Variants in SYT16 observed in about 807,000 individuals in gnomAD.
SYT16 encodes the protein synaptotagmin-16.
A neutral mutation model predicts 61.4 loss-of-function variants in SYT16; 42 were observed. The observed-to-expected ratio is 0.68, with a 90% CI of 0.53 to 0.89. SYT16 has a LOEUF of 0.89. Among genes scored for constraint, SYT16 ranks in the 40% least tolerant of loss-of-function variants. The probability of loss-of-function intolerance (pLI) is 0.00; values close to 1 mark genes in which losing one functional copy is unlikely to be tolerated. For synonymous variants in SYT16, 314 were observed against 302.3 expected (o/e 1.04, Z -0.40); for missense variants, 804 against 807.3 (o/e 1.00, Z 0.05).
chr14:61,906,030 C>T (rs2048697593), intron 1 of SYT16, among the ~76,000 whole-genome samples: 1 of 152,188 alleles, frequency 6.6e-6, no homozygotes, highest in African/African-American at 2.4e-5. Flanking sequence ...GCTGGGATTA[C>T]AGGTGTGAGC....
chr14:61,823,370 A>G (rs1216349768), intron 1 of SYT16, among the ~76,000 whole-genome samples: 1 of 151,890 alleles, frequency 6.6e-6, no homozygotes, highest in African/African-American at 2.4e-5. Context: ...TAAAGTTTTA[A>G]TATGCTTATG....
At chr14:61,907,654 C>T (rs2048774796) in intron 1 of SYT16, among the ~76,000 whole-genome samples, 1 of 152,196 alleles carries the variant, frequency 6.6e-6, no homozygotes, top group African/African-American at 2.4e-5. Flanking sequence ...GTGTGGGATC[C>T]AGAAGAGAGA....
chr14:62,046,724 T>A (rs2055004672), intron 3 of SYT16, among the ~76,000 whole-genome samples: 2 of 152,228 alleles, frequency 1.3e-5, no homozygotes, highest in African/African-American at 4.8e-5. Context: ...CTTTCCCCAT[T>A]TCTTGTTTTT....
At chr14:62,093,177 A>G (rs1006854923) in intron 7 of SYT16, among the ~76,000 whole-genome samples, 2 of 152,138 alleles carry the variant, frequency 1.3e-5, no homozygotes, top group African/African-American at 4.8e-5. Flanking sequence ...AAAATAGAAG[A>G]GAGTAGAGAT....
intron 2 of SYT16, among the ~76,000 whole-genome samples, chr14:61,983,237 AAAAG>A (rs2052161330): frequency 6.6e-6 from 1 of 152,178 alleles, no homozygotes. Flanking sequence ...AGATTAAAGT[AAAAG>A]AAAGAGCATG....
At chr14:61,826,818 T>C (rs1221487585) in intron 1 of SYT16, among the ~76,000 whole-genome samples, 1 of 152,024 alleles carries the variant, frequency 6.6e-6, no homozygotes, top group Non-Finnish European at 1.5e-5. Flanking sequence ...AGTCCAAGAC[T>C]GAGGTGCCAG....
chr14:62,049,593 A>G (rs2055173602), intron 3 of SYT16, among the ~76,000 whole-genome samples: 1 of 152,284 alleles, frequency 6.6e-6, no homozygotes, highest in East Asian at 1.9e-4. Context: ...ACAATTTGGC[A>G]TGTTTTTGCA....
intron 3 of SYT16, among the ~76,000 whole-genome samples, chr14:62,006,507 C>T (rs1027009839): frequency 6.6e-6 from 1 of 152,082 alleles, no homozygotes; most frequent in African/African-American, 2.4e-5. Context: ...GCTAAATTGG[C>T]CCAAAACAAG....
Position 61,942,464 on chromosome 14 carries a change from G to A in SYT16, c.-324-27668G>A, listed in dbSNP as rs77602878. 4.3e-3 allele frequency among the ~76,000 whole-genome samples: 653 copies of A among 152,272 alleles called. 7 individuals are homozygous for A. Among genetic ancestry groups the A allele is most frequent in the African/African-American group, 0.015 (623 of 41,548 alleles). On this transcript the variant is annotated intron_variant, in intron 1 of 7. Coordinates refer to ENST00000683842, the MANE Select transcript of SYT16 (RefSeq NM_001367656.1). ...TAAAAATACCAGTTCTGTTATCAAA[G>A]TGACACTCCACTAGGTTTAAATAAT...
At chr14:61,857,795 T>A (rs2140281250) in intron 1 of SYT16, among the ~76,000 whole-genome samples, 1 of 152,148 alleles carries the variant, frequency 6.6e-6, no homozygotes, top group Non-Finnish European at 1.5e-5. Context: ...AAATGGAGGA[T>A]TTGACCTAAG....
At chr14:62,021,787 C>T (rs552886313) in intron 3 of SYT16, among the ~76,000 whole-genome samples, 1 of 152,270 alleles carries the variant, frequency 6.6e-6, no homozygotes, top group East Asian at 1.9e-4. Context: ...ATTTTGTCTG[C>T]AGCTCCTAGA....
At position 62,106,415 on chromosome 14, in the gene SYT16, T is replaced by G. The variant is rs912966164; in HGVS notation, c.*5708T>G. 4.6e-5 allele frequency: 7 copies of G among 152,120 alleles called. No individual in the cohort carries two copies. Among genetic ancestry groups the G allele is most frequent in the African/African-American group, 1.4e-4 (6 of 41,418 alleles). 9.4% of individuals were successfully genotyped at this position (152,120 alleles called of 1,614,324 possible). A position where few individuals can be genotyped will look rare whatever the true frequency, so the allele number is the denominator to read the frequency against. The stretch of plus-strand genomic sequence containing the variant: ...TTGGTTGCATTATATGGGAAATTGG[T>G]GGGGATGGGGGTGTCATAGAATCAT... On this transcript the variant is annotated 3_prime_UTR_variant, in exon 8 of 8. Transcript: ENST00000683842.
Position 62,090,677 on chromosome 14 carries a change from A to T in SYT16, c.1624+6292A>T, listed in dbSNP as rs192999047. ...TACATCAACTCTAATTCTCATGATGATATCAAAGTTAAAAAATATTAAAAG... is the reference window on the plus strand; with the variant it reads ...TACATCAACTCTAATTCTCATGATGTTATCAAAGTTAAAAAATATTAAAAG... On this transcript the variant is annotated intron_variant, in intron 7 of 7. Transcript: ENST00000683842. 9.7e-4 allele frequency among the ~76,000 whole-genome samples: 148 copies of T among 152,342 alleles called. 1 individual carries two copies. The highest frequency in any genetic ancestry group is 3.4e-3 in the African/African-American group (143 of 41,584).
intron 1 of SYT16, among the ~76,000 whole-genome samples, chr14:61,940,977 C>G (rs908232986): frequency 1.3e-5 from 2 of 152,186 alleles, no homozygotes; most frequent in African/African-American, 4.8e-5. Context: ...TTAGGGGAGA[C>G]TGTGACATTT....
chr14:62,039,805 T>C (rs1396278011), intron 3 of SYT16, among the ~76,000 whole-genome samples: 1 of 147,968 alleles, frequency 6.8e-6, no homozygotes, highest in Non-Finnish European at 1.5e-5. Flanking sequence ...GCTCAAGTGA[T>C]GGAAGCCAAA....
intron 3 of SYT16, among the ~76,000 whole-genome samples, chr14:62,006,019 C>T (rs2053207626): frequency 6.6e-6 from 1 of 152,144 alleles, no homozygotes; most frequent in African/African-American, 2.4e-5. Flanking sequence ...ATTTCTCTCT[C>T]TCACTGATGT....
intron 1 of SYT16, among the ~76,000 whole-genome samples, chr14:61,900,284 G>A (rs2048467835): frequency 1.3e-5 from 2 of 151,242 alleles, no homozygotes; most frequent in Admixed American, 6.6e-5. Flanking sequence ...TCAGCCTCCC[G>A]AGTAGCTGGA....
At chr14:62,052,595 T>C (rs1404595265) in intron 3 of SYT16, among the ~76,000 whole-genome samples, 1 of 152,228 alleles carries the variant, frequency 6.6e-6, no homozygotes, top group Non-Finnish European at 1.5e-5. Context: ...TGGGGTGTTA[T>C]GCACTAAATG....
At chr14:62,072,560 C>A (rs10135922) in intron 4 of SYT16, among the ~76,000 whole-genome samples, 49,661 of 152,026 alleles carry the variant, frequency 0.33, 8,471 homozygotes, top group African/African-American at 0.43. Context: ...TTTCTTCTCC[C>A]GGGAACTTCA....
Sources: allele counts gnomAD v4.1 joint callset (sites outside exome capture counted in the v4.1 genomes callset), GRCh38; gene constraint gnomAD v4.1.1; transcripts MANE v1.5; gene names NCBI Gene and HGNC (gene_info 2026-07-23, HGNC 2026-07-21).